Variants in NR6A1 observed in about 807,000 individuals in gnomAD.
The protein encoded by NR6A1 is nuclear receptor subfamily 6 group A member 1.
In NR6A1, 7 loss-of-function variants were observed where a neutral mutation model predicts 59.1. The observed-to-expected ratio is 0.12, with a 90% confidence interval of 0.07 to 0.22. NR6A1 has a LOEUF of 0.22. Among genes scored for constraint, NR6A1 ranks in the 10% least tolerant of loss-of-function variants. The pLI is 1.00. For synonymous variants in NR6A1, 243 were observed against 236.1 expected, an observed-to-expected ratio of 1.03 and a Z score of -0.27; for missense variants, 468 against 611.6, an observed-to-expected ratio of 0.77 and a Z score of 2.48.
Position 124,524,747 on chromosome 9 carries a change from C to G in NR6A1, c.1328G>C (p.Cys443Ser). The G allele has an allele frequency of 6.2e-7, 1 of 1,613,752 alleles. No individual in the cohort carries two copies. The highest frequency in any genetic ancestry group is 1.1e-5 in the South Asian group (1 of 90,994). The change falls in exon 9 of 10, where the codon TGC (cysteine) becomes TCC (serine). Residue 443 changes from cysteine (C) to serine (S), a missense_variant. Transcript: ENST00000487099. ...TGCAATATATCGAATCTCAGGTAAG[C>G]ACATCATGAGATCAGGAAAGCGGTT... The part of the protein sequence containing the change: ...QPNRFPDLMM[C>S]LPEIRYIAGK...
At chr9:124,670,216 C>CA (rs1245931470) in intron 2 of NR6A1, among the ~76,000 whole-genome samples, 1,230 of 81,906 alleles carry the variant, frequency 0.015, 8 homozygotes, top group Admixed American at 0.016. Flanking sequence ...CTCATCTCTG[C>CA]AAAAAAAAAA....
At chr9:124,609,750 G>A (rs1280108514) in intron 2 of NR6A1, among the ~76,000 whole-genome samples, 3 of 152,186 alleles carry the variant, frequency 2.0e-5, no homozygotes, top group Admixed American at 6.5e-5. Context: ...AGCAAGGGAT[G>A]TTTTTCCATT....
chr9:124,672,507 C>T (rs1254346710), intron 2 of NR6A1, among the ~76,000 whole-genome samples: 2 of 151,778 alleles, frequency 1.3e-5, no homozygotes, highest in Non-Finnish European at 2.9e-5. Context: ...CCCAGCAACT[C>T]GGGAGGCTGA....
chr9:124,664,160 A>G (rs1402632616), intron 2 of NR6A1, among the ~76,000 whole-genome samples: 1 of 152,244 alleles, frequency 6.6e-6, no homozygotes, highest in Non-Finnish European at 1.5e-5. Flanking sequence ...TTTAAAGTTG[A>G]TAATAATCCA....
chr9:124,726,386 CA>C (rs770520752), intron 2 of NR6A1, among the ~76,000 whole-genome samples: 11 of 152,212 alleles, frequency 7.2e-5, no homozygotes, highest in Non-Finnish European at 1.5e-4. Context: ...CTGGTAAGTT[CA>C]TCGGTTAGCT....
chr9:124,758,491 G>A (rs1412333811), intron 1 of NR6A1, among the ~76,000 whole-genome samples: 1 of 152,160 alleles, frequency 6.6e-6, no homozygotes, highest in Non-Finnish European at 1.5e-5. Context: ...AATTAACTAT[G>A]AGTTTGACTC....
intron 1 of NR6A1, among the ~76,000 whole-genome samples, chr9:124,741,144 T>C (rs553558803): frequency 6.6e-6 from 1 of 152,342 alleles, no homozygotes. Flanking sequence ...GTACTTGGAA[T>C]GTGACTGGCG....
intron 2 of NR6A1, among the ~76,000 whole-genome samples, chr9:124,726,106 A>C (rs1839709469): frequency 6.6e-6 from 1 of 152,202 alleles, no homozygotes; most frequent in Admixed American, 6.5e-5. Flanking sequence ...ATACTTGAGG[A>C]AATCAGGCCA....
chr9:124,740,474 G>A (rs1840145622), intron 1 of NR6A1, among the ~76,000 whole-genome samples: 4 of 152,184 alleles, frequency 2.6e-5, no homozygotes, highest in Admixed American at 2.0e-4. Context: ...ATGAGATACA[G>A]TGACACAGGG....
At chr9:124,622,134 T>C (rs1006885313) in intron 2 of NR6A1, among the ~76,000 whole-genome samples, 2 of 152,208 alleles carry the variant, frequency 1.3e-5, no homozygotes, top group African/African-American at 4.8e-5. Flanking sequence ...GAGGATCGCT[T>C]GAGCCTGGGA....
chr9:124,692,805 C>T (rs557851858), intron 2 of NR6A1, among the ~76,000 whole-genome samples: 2 of 152,292 alleles, frequency 1.3e-5, no homozygotes, highest in South Asian at 4.1e-4. Flanking sequence ...TAGATATGCA[C>T]CATTCTGGTG....
At chr9:124,756,300 C>CT (rs974901819) in intron 1 of NR6A1, among the ~76,000 whole-genome samples, 1 of 152,180 alleles carries the variant, frequency 6.6e-6, no homozygotes, top group Admixed American at 6.5e-5. Context: ...GAAAGAGCAG[C>CT]TGGCTTATTC....
intron 2 of NR6A1, among the ~76,000 whole-genome samples, chr9:124,638,240 G>A (rs1219783777): frequency 1.3e-5 from 2 of 151,410 alleles, no homozygotes; most frequent in African/African-American, 2.4e-5. Context: ...TGGGTAGAGT[G>A]AGACATCTGT....
chr9:124,659,432 T>G (rs1187969235), intron 2 of NR6A1, among the ~76,000 whole-genome samples: 4 of 152,098 alleles, frequency 2.6e-5, no homozygotes, highest in Admixed American at 2.0e-4. Flanking sequence ...CAGAGCCTAG[T>G]GAGGGAGAGA....
At chr9:124,675,084 A>G (rs1449995980) in intron 2 of NR6A1, among the ~76,000 whole-genome samples, 1 of 152,198 alleles carries the variant, frequency 6.6e-6, no homozygotes, top group African/African-American at 2.4e-5. Context: ...TTTTCTTCCC[A>G]TACTCCACAA....
At chr9:124,542,795 C>T (rs550380650) in intron 4 of NR6A1, among the ~76,000 whole-genome samples, 107 of 152,246 alleles carry the variant, frequency 7.0e-4, no homozygotes, top group Non-Finnish European at 1.3e-3. Context: ...TGGCCTCAAG[C>T]GATCTTCCTG....
At chr9:124,704,945 A>G (rs1839081456) in intron 2 of NR6A1, among the ~76,000 whole-genome samples, 1 of 152,210 alleles carries the variant, frequency 6.6e-6, no homozygotes, top group Non-Finnish European at 1.5e-5. Context: ...CATGTTGCCC[A>G]GGCTGGTCTA....
At chr9:124,672,107 G>A (rs1837809407) in intron 2 of NR6A1, among the ~76,000 whole-genome samples, 3 of 152,126 alleles carry the variant, frequency 2.0e-5, no homozygotes, top group Non-Finnish European at 2.9e-5. Context: ...TCTGGGAGAC[G>A]CAACCATGCT....
chr9:124,645,522 AGAGT>A (rs1265895929), intron 2 of NR6A1, among the ~76,000 whole-genome samples: 1 of 152,248 alleles, frequency 6.6e-6, no homozygotes, highest in African/African-American at 2.4e-5. Flanking sequence ...AGCAGACTTT[AGAGT>A]GAGGAAAGTT....
Sources: gnomAD v4.1 joint callset for allele counts (sites outside exome capture counted in the v4.1 genomes callset) on GRCh38, gnomAD v4.1.1 for gene constraint, MANE v1.5 for transcripts, NCBI Gene and HGNC (gene_info 2026-07-23, HGNC 2026-07-21) for gene names.